ADAMTSL1: variants seen among roughly 807,000 people sequenced by gnomAD.
ADAMTSL1 encodes the protein ADAMTS-like protein 1.
In ADAMTSL1, 126 loss-of-function variants were observed where a neutral mutation model predicts 201.8. That is an observed-to-expected ratio of 0.62 (90% CI 0.54 to 0.72). ADAMTSL1 has a LOEUF of 0.72. ADAMTSL1 is among the 30% of genes least tolerant of loss of function. The pLI is 0.00. For synonymous variants in ADAMTSL1, 1,121 were observed against 903.4 expected, an observed-to-expected ratio of 1.24 and a Z score of -4.32; for missense variants, 2,679 against 2,277.8, an observed-to-expected ratio of 1.18 and a Z score of -3.59.
At chr9:18,870,271 T>C (rs1827806241) in intron 23 of ADAMTSL1, among the ~76,000 whole-genome samples, 1 of 152,196 alleles carries the variant, frequency 6.6e-6, no homozygotes, top group Admixed American at 6.5e-5. Context: ...TCCTGTCTAG[T>C]GGTTTTTGAT....
At chr9:18,123,037 T>C (rs1825571688) in intron 1 of ADAMTSL1, among the ~76,000 whole-genome samples, 1 of 152,158 alleles carries the variant, frequency 6.6e-6, no homozygotes, top group Non-Finnish European at 1.5e-5. Flanking sequence ...CTGTGCCCAG[T>C]CTCAAGTTTA....
In ADAMTSL1 at chr9:18,741,476, A is replaced by T. The variant is rs57583599; in HGVS notation, c.2007-11822A>T. ...CCCAGGCATTTCACTTGTAGAGAAA[A>T]CTCATGAATATAAATGTCCAGAAAG... is the stretch of plus-strand genomic sequence containing the variant. On this transcript the variant is annotated intron_variant, in intron 15 of 28. Coordinates refer to ENST00000380548, the MANE Select transcript of ADAMTSL1 (RefSeq NM_001040272.6). Among the ~76,000 whole-genome samples, 309 of 152,344 alleles carry T rather than the reference A, an allele frequency of 2.0e-3. 3 individuals are homozygous for T. Among genetic ancestry groups the T allele is most frequent in the African/African-American group, 7.0e-3 (292 of 41,584 alleles).
chr9:18,349,034 G>A lies in ADAMTSL1; in HGVS notation c.208-155795G>A, dbSNP rs139048744. Reference sequence around the variant, plus strand: ...CAAAGTTGGAGAAAGTTAAACACAGGCAATTTAAATAATTTGTCCAAAGTC... The same window carrying A: ...CAAAGTTGGAGAAAGTTAAACACAGACAATTTAAATAATTTGTCCAAAGTC... On this transcript the variant is annotated intron_variant, in intron 2 of 29. Coordinates refer to the ADAMTSL1 transcript ENST00000680146. Among the ~76,000 whole-genome samples, 853 of 152,178 alleles carry A rather than the reference G, an allele frequency of 5.6e-3. 7 individuals carry two copies. The highest frequency in any genetic ancestry group is 0.018 in the African/African-American group (744 of 41,528).
intron 1 of ADAMTSL1, among the ~76,000 whole-genome samples, chr9:18,048,548 G>A (rs1586946397): frequency 6.6e-6 from 1 of 152,298 alleles, no homozygotes; most frequent in Non-Finnish European, 1.5e-5. Flanking sequence ...TGTAACATGG[G>A]AGATGTTACT....
At chr9:18,825,355 A>T (rs965233042) in intron 21 of ADAMTSL1, among the ~76,000 whole-genome samples, 1 of 152,166 alleles carries the variant, frequency 6.6e-6, no homozygotes, top group Non-Finnish European at 1.5e-5. Context: ...CATCTCTCTC[A>T]CAGAAAATAA....
At chr9:18,045,286 A>T (rs1364227301) in intron 1 of ADAMTSL1, among the ~76,000 whole-genome samples, 1 of 152,166 alleles carries the variant, frequency 6.6e-6, no homozygotes, top group African/African-American at 2.4e-5. Flanking sequence ...CTCTGGATAC[A>T]TGTATACTGA....
intron 1 of ADAMTSL1, among the ~76,000 whole-genome samples, chr9:18,488,988 T>G (rs1332432296): frequency 6.6e-6 from 1 of 152,204 alleles, no homozygotes; most frequent in Non-Finnish European, 1.5e-5. Context: ...TTGTCTAATT[T>G]AGGGTTCTCA....
rs1026182992 is a variant in ADAMTSL1, at chr9:18,031,366, T to G, written c.87+124444T>G. ...CTTTGAAGCCTTGACTGTGGTGTGT[T>G]GTGTATAGTTGATTGGCTTTTTTTC... On this transcript the variant is annotated intron_variant, in intron 1 of 29. Transcript: ENST00000680146. Among the ~76,000 whole-genome samples, 3 of 152,240 alleles carry G rather than the reference T, an allele frequency of 2.0e-5. No homozygotes were observed. The East Asian group carries it at 5.8e-4, about 29-fold the overall frequency.
intron 7 of ADAMTSL1, among the ~76,000 whole-genome samples, chr9:18,650,111 A>G (rs13286493): frequency 0.12 from 18,709 of 152,156 alleles, 1,373 homozygotes; most frequent in Non-Finnish European, 0.17. Flanking sequence ...GCCCATCCCC[A>G]AGCCTCGCTG....
chr9:18,721,423 C>G, intron 14 of ADAMTSL1, 113 bp from the exon 15 acceptor site: 1 of 1,422,778 alleles, frequency 7.0e-7, no homozygotes, highest in Non-Finnish European at 9.5e-7. Flanking sequence ...TGACATACAG[C>G]GAGAGTCCTA....
At chr9:18,395,348 T>C (rs1289512409) in intron 2 of ADAMTSL1, among the ~76,000 whole-genome samples, 1 of 152,204 alleles carries the variant, frequency 6.6e-6, no homozygotes, top group Non-Finnish European at 1.5e-5. Context: ...AATGTGGGTA[T>C]TGGTTTTTGC....
At chr9:18,033,904 AC>A (rs1189750436) in intron 1 of ADAMTSL1, among the ~76,000 whole-genome samples, 2 of 152,042 alleles carry the variant, frequency 1.3e-5, no homozygotes, top group Non-Finnish European at 2.9e-5. Context: ...TTCTTCTTTA[AC>A]TTTTGTATAC....
At chr9:18,610,246 T>C (rs969330459) in intron 4 of ADAMTSL1, among the ~76,000 whole-genome samples, 3 of 152,230 alleles carry the variant, frequency 2.0e-5, no homozygotes, top group African/African-American at 7.2e-5. Context: ...GTAAAAATTA[T>C]ATTTTCTTAG....
At chr9:18,375,332 A>G (rs1005574089) in intron 2 of ADAMTSL1, among the ~76,000 whole-genome samples, 1 of 151,726 alleles carries the variant, frequency 6.6e-6, no homozygotes, top group African/African-American at 2.4e-5. Context: ...GCTAATTGCT[A>G]TTTTTTTTAT....
intron 23 of ADAMTSL1, among the ~76,000 whole-genome samples, chr9:18,883,374 A>G (rs1303396757): frequency 6.6e-6 from 1 of 152,148 alleles, no homozygotes; most frequent in South Asian, 2.1e-4. Flanking sequence ...AGCTCCCAAG[A>G]TCTCTTGTGG....
At chr9:18,832,654 G>A (rs1431306035) in intron 23 of ADAMTSL1, among the ~76,000 whole-genome samples, 1 of 152,150 alleles carries the variant, frequency 6.6e-6, no homozygotes, top group Non-Finnish European at 1.5e-5. Context: ...GACATCCCTA[G>A]TCAGTCGTGA....
chr9:18,888,357 T>C (rs977285472), intron 24 of ADAMTSL1, among the ~76,000 whole-genome samples: 7 of 152,192 alleles, frequency 4.6e-5, no homozygotes, highest in Non-Finnish European at 1.0e-4. Context: ...ATGTGATTCT[T>C]TTATGCTGAT....
chr9:18,740,507 C>G (rs1818767932), intron 15 of ADAMTSL1, among the ~76,000 whole-genome samples: 1 of 126,880 alleles, frequency 7.9e-6, no homozygotes, highest in East Asian at 2.2e-4. Context: ...AGAGGAGTCT[C>G]CCTCTGTCAC....
At chr9:18,701,559 C>G (rs904192744) in intron 13 of ADAMTSL1, among the ~76,000 whole-genome samples, 2 of 152,100 alleles carry the variant, frequency 1.3e-5, no homozygotes, top group African/African-American at 2.4e-5. Context: ...CAGTTTATTC[C>G]CTTCTCTTTT....
Sources: gnomAD v4.1 joint callset for allele counts (sites outside exome capture counted in the v4.1 genomes callset) on GRCh38, gnomAD v4.1.1 for gene constraint, MANE v1.5 for transcripts, NCBI Gene and HGNC (gene_info 2026-07-23, HGNC 2026-07-21) for gene names.